Variants in ENOX2 observed in about 807,000 individuals in gnomAD.
ENOX2 encodes the protein ecto-NOX disulfide-thiol exchanger 2, also known as APK1 antigen.
ENOX2 carries 36 observed loss-of-function variants against 45.0 expected under a neutral mutation model. The ratio of observed to expected loss-of-function variants is 0.80; its 90% CI spans 0.61 to 1.06. The LOEUF (loss-of-function observed/expected upper bound fraction) is 1.06, where lower values mean the gene tolerates loss of function less well. Among genes scored for constraint, ENOX2 ranks in the 50% least tolerant of loss-of-function variants. ENOX2 has a pLI of 0.00. For synonymous variants in ENOX2, 174 were observed against 152.3 expected (o/e 1.14, Z -1.05); for missense variants, 423 against 462.5 (o/e 0.91, Z 0.78).
intron 2 of ENOX2, among the ~76,000 whole-genome samples, chrX:130,871,722 A>G (rs1174866874): frequency 9.0e-6 from 1 of 111,108 alleles, no homozygotes; most frequent in Non-Finnish European, 1.9e-5. Flanking sequence ...TCCCCATAAT[A>G]CCATCAAACA....
chrX:130,798,063 C>G (rs2077162396), intron 2 of ENOX2, among the ~76,000 whole-genome samples: 1 of 111,393 alleles, frequency 9.0e-6, no homozygotes, highest in South Asian at 3.8e-4. Flanking sequence ...TGCCTGGACT[C>G]TACCACCAGA....
chrX:130,883,711 C>A (rs1316861356), intron 2 of ENOX2, among the ~76,000 whole-genome samples: 2 of 110,787 alleles, frequency 1.8e-5, no homozygotes, highest in South Asian at 3.9e-4. Context: ...CCTTTATATT[C>A]CCGTCCATGA....
chrX:130,655,395 A>G (rs919647339), intron 10 of ENOX2, among the ~76,000 whole-genome samples: 4 of 111,356 alleles, frequency 3.6e-5, no homozygotes, highest in Non-Finnish European at 5.7e-5. Context: ...TTCTAAGACC[A>G]CTCAAGTGGC....
At chrX:130,636,956 TAAAGA>T (rs754777017) in intron 11 of ENOX2, among the ~76,000 whole-genome samples, 53 of 112,291 alleles carry the variant, frequency 4.7e-4, no homozygotes, top group Non-Finnish European at 3.2e-4. Flanking sequence ...TTCTGAAGCA[TAAAGA>T]AAAGATTAGA....
chrX:130,876,777 G>T (rs1245785221), intron 2 of ENOX2, among the ~76,000 whole-genome samples: 2 of 111,687 alleles, frequency 1.8e-5, no homozygotes, highest in Admixed American at 9.5e-5. Context: ...TCTGTAGGTT[G>T]TGTGGATGGT....
chrX:130,782,228 G>A (rs1038032479), intron 3 of ENOX2, among the ~76,000 whole-genome samples: 12 of 111,707 alleles, frequency 1.1e-4, no homozygotes, highest in Non-Finnish European at 2.1e-4. Flanking sequence ...AAATAGTAAC[G>A]TTTATTAAGT....
chrX:130,741,085 T>A (rs745931039), intron 3 of ENOX2, among the ~76,000 whole-genome samples: 14 of 112,012 alleles, frequency 1.2e-4, no homozygotes, highest in African/African-American at 4.2e-4. Flanking sequence ...ATTTGTTAAG[T>A]TTTTTCATAT....
chrX:130,893,769 A>G (rs902101354), intron 2 of ENOX2, among the ~76,000 whole-genome samples: 10 of 112,043 alleles, frequency 8.9e-5, no homozygotes, highest in Non-Finnish European at 1.9e-4. Context: ...TGTGACGTTT[A>G]AGGATTTCCA....
At chrX:130,796,626 T>C (rs771249301) in intron 2 of ENOX2, among the ~76,000 whole-genome samples, 2 of 112,345 alleles carry the variant, frequency 1.8e-5, no homozygotes, top group Admixed American at 9.4e-5. Flanking sequence ...ATTTTGTCTA[T>C]AGCATTCACT....
intron 13 of ENOX2, among the ~76,000 whole-genome samples, chrX:130,628,903 T>G (rs1473817845): frequency 8.9e-6 from 1 of 111,782 alleles, no homozygotes; most frequent in African/African-American, 3.2e-5. Flanking sequence ...TTTCAATTTT[T>G]TTTTTTTTGC....
chrX:130,865,320 T>A, intron 2 of ENOX2, among the ~76,000 whole-genome samples: 1 of 111,505 alleles, frequency 9.0e-6, no homozygotes, highest in Non-Finnish European at 1.9e-5. Flanking sequence ...TGTAGAATTA[T>A]GCAAACAGAC....
At chrX:130,768,472 G>A (rs2039664723) in intron 3 of ENOX2, among the ~76,000 whole-genome samples, 1 of 111,864 alleles carries the variant, frequency 8.9e-6, no homozygotes, top group Admixed American at 9.5e-5. Context: ...ATCTCTAAGT[G>A]TCCCCTCTTT....
rs764318685 is a variant in ENOX2 at position 130,764,914 on chromosome X, C to T, written c.-39+18633G>A. ...AACTATTAAATTTTAAACTAGTTTG[C>T]TTAGTCATTTGGGGTGATCTCATGC... is the stretch of plus-strand genomic sequence containing the variant. On this transcript the variant is annotated intron_variant, in intron 3 of 14. Transcript: ENST00000394363. Among the ~76,000 whole-genome samples, 86 of 111,102 alleles carry T rather than the reference C, an allele frequency of 7.7e-4. 1 individual carries two copies. The highest frequency in any genetic ancestry group is 2.7e-3 in the African/African-American group (83 of 30,620).
chrX:130,747,208 C>T (rs1347284186), intron 3 of ENOX2, among the ~76,000 whole-genome samples: 2 of 110,689 alleles, frequency 1.8e-5, no homozygotes, highest in East Asian at 2.9e-4. Context: ...AGCCCTTAAA[C>T]GTCACATGAG....
chrX:130,832,201 T>C (rs1409316720), intron 2 of ENOX2, among the ~76,000 whole-genome samples: 2 of 111,243 alleles, frequency 1.8e-5, no homozygotes, highest in African/African-American at 6.5e-5. Context: ...AGACACATTT[T>C]ACTTGGTTAT....
intron 3 of ENOX2, among the ~76,000 whole-genome samples, chrX:130,718,863 C>G (rs2038397250): frequency 8.9e-6 from 1 of 111,925 alleles, no homozygotes; most frequent in Non-Finnish European, 1.9e-5. Flanking sequence ...TTGCTCTGGT[C>G]TACGTCAGTG....
intron 3 of ENOX2, among the ~76,000 whole-genome samples, chrX:130,708,842 CTGAG>C (rs1231483359): frequency 9.0e-6 from 1 of 111,244 alleles, no homozygotes; most frequent in Non-Finnish European, 1.9e-5. Context: ...CTTTTGAGGG[CTGAG>C]TGTTAAACAA....
chrX:130,651,345 C>T (rs773280351), intron 10 of ENOX2, among the ~76,000 whole-genome samples: 1 of 112,364 alleles, frequency 8.9e-6, no homozygotes, highest in East Asian at 2.8e-4. Flanking sequence ...ATTTTCCTCA[C>T]TGCCTCTCAT....
At chrX:130,886,256 A>G (rs767668182) in intron 2 of ENOX2, among the ~76,000 whole-genome samples, 11 of 112,890 alleles carry the variant, frequency 9.7e-5, no homozygotes, top group Admixed American at 4.7e-4. Flanking sequence ...ACCACGCATC[A>G]AAATAGAACA....
Sources: gnomAD v4.1 joint callset for allele counts (sites outside exome capture counted in the v4.1 genomes callset) on GRCh38, gnomAD v4.1.1 for gene constraint, MANE v1.5 for transcripts, NCBI Gene and HGNC (gene_info 2026-07-23, HGNC 2026-07-21) for gene names.